The following DOCK6 variants were observed in gnomAD, a reference collection of about 807,000 sequenced individuals.
DOCK6 encodes the protein dedicator of cytokinesis protein 6.
A neutral mutation model predicts 230.3 loss-of-function variants in DOCK6; 167 were observed. The observed-to-expected ratio is 0.73, with a 90% CI of 0.64 to 0.82. The LOEUF (loss-of-function observed/expected upper bound fraction) is 0.82. Ranked by LOEUF, DOCK6 falls within the 40% of genes least tolerant of loss-of-function variation. DOCK6 has a pLI of 0.00. For synonymous variants in DOCK6, 1,148 were observed against 1,185.0 expected (o/e 0.97, Z 0.64); for missense variants, 2,598 against 2,825.8 (o/e 0.92, Z 1.83).
chr19:11,201,839 T>A lies in DOCK6; in HGVS notation c.5688+50A>T. On this transcript the variant is annotated intron_variant, in intron 44 of 47. Transcript: ENST00000294618. The surrounding 1 kb of genome is among the most constrained non-coding windows in gnomAD (Gnocchi z 4.3). The stretch of plus-strand genomic sequence containing the variant: ...TACCCTCCCCTCCCCTCCCAGGGTC[T>A]GATGTCCCCTCACCTCCCCACCCCC... 8 of 1,170,552 alleles carry A rather than the reference T, an allele frequency of 6.8e-6. No individual in the cohort carries two copies. Among genetic ancestry groups the A allele is most frequent in the Non-Finnish European group, 8.5e-6 (7 of 828,106 alleles). 72.5% of individuals were successfully genotyped at this position (1,170,552 alleles called of 1,614,324 possible). A position where few individuals can be genotyped will look rare whatever the true frequency, so the allele number is the denominator to read the frequency against.
chr19:11,248,412 G>C (rs940615508), intron 6 of DOCK6, among the ~76,000 whole-genome samples: 7 of 151,876 alleles, frequency 4.6e-5, no homozygotes, highest in African/African-American at 1.7e-4. Context: ...ATATATAGAA[G>C]CTTATTTTTT....
intron 39 of DOCK6, chr19:11,208,481 A>T (rs2014878580): frequency 1.7e-6 from 1 of 580,052 alleles, no homozygotes; most frequent in Admixed American, 3.3e-5. Flanking sequence ...GGGTTTCACC[A>T]TGCTGGCCAG....
rs142829514 is a variant in DOCK6 at position 11,215,336 on chromosome 19, C to T, written c.4106+51G>A. ...TCCTGGACTCAAGCAATCCTCCTGCCTCGGCCCAAACTGTTCTGAACTCAG... is the reference window on the plus strand; with the variant it reads ...TCCTGGACTCAAGCAATCCTCCTGCTTCGGCCCAAACTGTTCTGAACTCAG... On this transcript the variant is annotated intron_variant, in intron 32 of 47. Coordinates refer to ENST00000294618, the MANE Select transcript of DOCK6 (RefSeq NM_020812.4). The T allele has an allele frequency of 1.8e-4, 283 of 1,541,758 alleles. 1 individual carries two copies. In the African/African-American group the frequency reaches 3.4e-3, roughly 19 times the overall value.
chr19:11,254,732 G>A (rs562331017), intron 1 of DOCK6, among the ~76,000 whole-genome samples: 1 of 152,156 alleles, frequency 6.6e-6, no homozygotes, highest in African/African-American at 2.4e-5. Context: ...AAGACTCGCA[G>A]TAGAGGGGAC....
chr19:11,241,595 G>C (rs2079945487), intron 14 of DOCK6: 2 of 1,556,620 alleles, frequency 1.3e-6, no homozygotes. Flanking sequence ...CAGTTGGATG[G>C]GGGGCGCACA....
At chr19:11,232,267 C>G in intron 22 of DOCK6, 1 of 1,289,658 alleles carries the variant, frequency 7.8e-7, no homozygotes, top group Non-Finnish European at 1.0e-6. Context: ...GGAATTCACC[C>G]AGGAGTGTGA....
At chr19:11,239,502 T>C (rs1298030386) in intron 14 of DOCK6, 1 of 1,096,312 alleles carries the variant, frequency 9.1e-7, no homozygotes, top group South Asian at 1.5e-5. Context: ...CTGATGCAAC[T>C]ATCGCACCAC....
chr19:11,228,011 C>CTT (rs886573859), intron 23 of DOCK6, among the ~76,000 whole-genome samples: 23 of 134,852 alleles, frequency 1.7e-4, no homozygotes, highest in African/African-American at 2.7e-4. Flanking sequence ...AGCTTTCCCT[C>CTT]TTTTTTTTTT....
chr19:11,222,297 G>A lies in DOCK6; in HGVS notation c.3241-49C>T, dbSNP rs1364821654. On this transcript the variant is annotated intron_variant, in intron 26 of 47. Coordinates refer to ENST00000294618, the MANE Select transcript of DOCK6 (RefSeq NM_020812.4). This position sits in a 1 kb window ranked among gnomAD's most constrained non-coding sequence, Gnocchi z 4.0. ...GGATGCCAGCGGTCAAGGGTCAGAGGTGGCAGGTCACCATTAAAGCCATCT... is the reference window on the plus strand; with the variant it reads ...GGATGCCAGCGGTCAAGGGTCAGAGATGGCAGGTCACCATTAAAGCCATCT... 2 of 1,558,864 alleles carry A rather than the reference G, an allele frequency of 1.3e-6. No homozygotes were observed. Among genetic ancestry groups the A allele is most frequent in the Admixed American group, 1.9e-5 (1 of 51,936 alleles).
chr19:11,250,122 T>C (rs980813489), intron 6 of DOCK6, among the ~76,000 whole-genome samples: 1 of 150,764 alleles, frequency 6.6e-6, no homozygotes, highest in African/African-American at 2.4e-5. Flanking sequence ...GTGATTCTCC[T>C]GTCTCAGCCT....
Position 11,238,234 on chromosome 19 carries a change from C to T in DOCK6, c.1714G>A (p.Val572Met), listed in dbSNP as rs765211702. The T allele has an allele frequency of 2.5e-6, 4 of 1,613,460 alleles. No individual in the cohort carries two copies. The highest frequency in any genetic ancestry group is 3.4e-6 in the Non-Finnish European group (4 of 1,179,612). Residue 572 changes from valine to methionine, a missense_variant, in exon 15 of 48, where the codon GTG (valine) becomes ATG (methionine). Val to Met is a conservative substitution (Grantham distance 21). Coordinates refer to ENST00000294618, the MANE Select transcript of DOCK6 (RefSeq NM_020812.4). ...SRQGSVRNLA[V>M]RVQYMTGEDP... ...TCGCCTGTCATGTACTGCACTCGCA[C>T]AGCAAGGTTGCGCACGGAGCCCTGG... is the stretch of plus-strand genomic sequence containing the variant.
chr19:11,202,010 A>G lies in DOCK6; in HGVS notation c.5567T>C (p.Phe1856Ser), dbSNP rs369620993. The G allele has an allele frequency of 6.2e-7, 1 of 1,613,896 alleles. No homozygotes were observed. The highest frequency in any genetic ancestry group is 8.5e-7 in the Non-Finnish European group (1 of 1,179,902). ...GLRTFLFCTP[F>S]TPDGRAHGEL... ...CCCGTGTGCGCGCCCATCCGGCGTG[A>G]ACGGCGTGCAGAACAGGAATGTGCG... is the stretch of plus-strand genomic sequence containing the variant. The change falls in exon 44 of 48, where the codon TTC becomes TCC. Residue 1856 changes from phenylalanine (F) to serine (S), a missense_variant. Coordinates refer to ENST00000294618, the MANE Select transcript of DOCK6 (RefSeq NM_020812.4). The surrounding 1 kb of genome is among the most constrained non-coding windows in gnomAD (Gnocchi z 5.3).
rs2079167482 is a variant in DOCK6, at chr19:11,201,448, C to A, written c.5689-396G>T. 6.6e-6 allele frequency among the ~76,000 whole-genome samples: 1 copy of A among 152,090 alleles called. No individual in the cohort carries two copies. Among genetic ancestry groups the A allele is most frequent in the East Asian group, 1.9e-4 (1 of 5,170 alleles). ...CTGGGCCTTCTTAGATTTGGAGTCC[C>A]TGTGCCTCCCCTTTGTGAGTCTAGA... On this transcript the variant is annotated intron_variant, in intron 44 of 47. Transcript: ENST00000294618. This position sits in a 1 kb window ranked among gnomAD's most constrained non-coding sequence, Gnocchi z 4.3.
At chr19:11,214,040 C>T (rs1359424413) in intron 34 of DOCK6, among the ~76,000 whole-genome samples, 1 of 152,096 alleles carries the variant, frequency 6.6e-6, no homozygotes, top group African/African-American at 2.4e-5. Context: ...GCCTCAGCCT[C>T]CCAAAGTGCT....
intron 1 of DOCK6, among the ~76,000 whole-genome samples, chr19:11,255,593 TC>T (rs1407619300): frequency 7.9e-5 from 12 of 151,964 alleles, no homozygotes; most frequent in African/African-American, 2.7e-4. Flanking sequence ...AATGAGTGAG[TC>T]CCTTCCAGTC....
At chr19:11,231,096 CCT>C (rs1258016293) in intron 22 of DOCK6, among the ~76,000 whole-genome samples, 1 of 152,286 alleles carries the variant, frequency 6.6e-6, no homozygotes, top group East Asian at 1.9e-4. Flanking sequence ...AAAGGCCCCC[CCT>C]GCTTGTTCTG....
chr19:11,250,424 C>G (rs2080099628), intron 6 of DOCK6, among the ~76,000 whole-genome samples: 1 of 151,994 alleles, frequency 6.6e-6, no homozygotes, highest in South Asian at 2.1e-4. Context: ...TGGCGATTCT[C>G]ATGCCTCAGC....
At chr19:11,209,209 A>G (rs1176155950) in intron 37 of DOCK6, 106 bp from the exon 38 acceptor site, 2 of 1,329,124 alleles carry the variant, frequency 1.5e-6, no homozygotes, top group Non-Finnish European at 2.1e-6. Flanking sequence ...GTCCGCCCCA[A>G]GGACCAGCCA....
At chr19:11,238,334 G>A (rs745494804) in intron 14 of DOCK6, 30 bp from the exon 15 acceptor site, 32 of 1,568,356 alleles carry the variant, frequency 2.0e-5, no homozygotes, top group Non-Finnish European at 2.6e-5. Context: ...GGTGTCAGAG[G>A]GACAGGGGCC....
Sources: gnomAD v4.1 joint callset for allele counts (sites outside exome capture counted in the v4.1 genomes callset) on GRCh38, gnomAD v4.1.1 for gene constraint, Gnocchi (gnomAD v3.1) non-coding constraint, MANE v1.5 for transcripts, NCBI Gene and HGNC (gene_info 2026-07-23, HGNC 2026-07-21) for gene names.